Variants in MYO3B observed in about 807,000 individuals in gnomAD.
MYO3B encodes the protein myosin-IIIb.
In MYO3B, 156 loss-of-function variants were observed where a neutral mutation model predicts 174.6. That is an observed-to-expected ratio of 0.89 (90% CI 0.78 to 1.02). The LOEUF (loss-of-function observed/expected upper bound fraction) is 1.02, where lower values mean the gene tolerates loss of function less well. MYO3B is among the 50% of genes least tolerant of loss of function. The probability of loss-of-function intolerance (pLI) is 0.00; values close to 1 mark genes in which losing one functional copy is unlikely to be tolerated. For synonymous variants in MYO3B, 563 were observed against 569.1 expected, an observed-to-expected ratio of 0.99 and a Z score of 0.15; for missense variants, 1,632 against 1,639.4, an observed-to-expected ratio of 1.00 and a Z score of 0.08.
chr2:170,400,152 A>G, intron 16 of MYO3B, 36 bp from the exon 17 acceptor site: 1 of 1,613,672 alleles, frequency 6.2e-7, no homozygotes, highest in Non-Finnish European at 8.5e-7. Flanking sequence ...TTGACTGGCA[A>G]TGACCTTCAT....
chr2:170,478,607 C>T (rs1232818966), intron 25 of MYO3B, among the ~76,000 whole-genome samples: 1 of 136,566 alleles, frequency 7.3e-6, no homozygotes, highest in Non-Finnish European at 1.5e-5. Flanking sequence ...CTCACTCTGT[C>T]ACCCAGGCTG....
At chr2:170,248,941 C>T (rs897366687) in intron 7 of MYO3B, among the ~76,000 whole-genome samples, 3 of 152,228 alleles carry the variant, frequency 2.0e-5, no homozygotes, top group African/African-American at 4.8e-5. Context: ...CCTTCAAGAG[C>T]GTGCTCCTTA....
intron 22 of MYO3B, among the ~76,000 whole-genome samples, chr2:170,413,695 G>C (rs2094560061): frequency 6.6e-6 from 1 of 151,288 alleles, no homozygotes; most frequent in African/African-American, 2.4e-5. Flanking sequence ...AAGATGTTTT[G>C]GTTTTTTTCT....
chr2:170,272,297 C>G (rs542058754), intron 7 of MYO3B, among the ~76,000 whole-genome samples: 1 of 152,198 alleles, frequency 6.6e-6, no homozygotes, highest in East Asian at 1.9e-4. Context: ...CTCACTCAAA[C>G]TTGAGAATCC....
At chr2:170,192,016 T>C (rs2092546224) in intron 1 of MYO3B, among the ~76,000 whole-genome samples, 1 of 152,188 alleles carries the variant, frequency 6.6e-6, no homozygotes, top group African/African-American at 2.4e-5. Context: ...CTGTGCTACT[T>C]TTATCATGTT....
At chr2:170,575,337 G>C (rs1360113816) in intron 32 of MYO3B, among the ~76,000 whole-genome samples, 1 of 151,762 alleles carries the variant, frequency 6.6e-6, no homozygotes, top group African/African-American at 2.4e-5. Flanking sequence ...CTCTATCAGG[G>C]GTCAGCAAAT....
intron 30 of MYO3B, among the ~76,000 whole-genome samples, chr2:170,529,184 A>G (rs1689184898): frequency 6.6e-6 from 1 of 152,124 alleles, no homozygotes; most frequent in Non-Finnish European, 1.5e-5. Flanking sequence ...GGAGAACAAC[A>G]GACACTGGAA....
intron 32 of MYO3B, among the ~76,000 whole-genome samples, chr2:170,625,233 T>G (rs1041266130): frequency 6.6e-6 from 1 of 152,244 alleles, no homozygotes; most frequent in African/African-American, 2.4e-5. Context: ...AATTATTGCC[T>G]CAATTTCAGA....
chr2:170,434,428 T>C lies in MYO3B; in HGVS notation c.2651-9539T>C, dbSNP rs140337436. 1.6e-3 allele frequency among the ~76,000 whole-genome samples: 248 copies of C among 152,270 alleles called. 1 individual carries two copies. Among genetic ancestry groups the C allele is most frequent in the Middle Eastern group, 6.8e-3 (2 of 294 alleles). On this transcript the variant is annotated intron_variant, in intron 22 of 34. Transcript: ENST00000408978. ...AGATGGAACAATGGTGAGCGCACAC[T>C]TGGACAAGGGAGGGGAAGGGGTTCT...
At position 170,405,647 on chromosome 2, in the gene MYO3B, G is replaced by A. The variant is rs780270717; in HGVS notation, c.2520+14G>A. On this transcript the variant is annotated intron_variant, in intron 21 of 34. Transcript: ENST00000408978. ...TATGCTGGAAAGGTGAGGCCAGTGTGACAGTTATTAGACCTGAATTTGGCA... is the reference window on the plus strand; with the variant it reads ...TATGCTGGAAAGGTGAGGCCAGTGTAACAGTTATTAGACCTGAATTTGGCA... 6.2e-7 allele frequency: 1 copy of A among 1,611,378 alleles called. No individual in the cohort carries two copies. The highest frequency in any genetic ancestry group is 1.7e-4 in the Middle Eastern group (1 of 6,054).
chr2:170,362,267 T>C (rs2094167089), intron 8 of MYO3B, among the ~76,000 whole-genome samples: 1 of 152,182 alleles, frequency 6.6e-6, no homozygotes, highest in African/African-American at 2.4e-5. Context: ...AAGTAGATGT[T>C]CTTTATCCCC....
chr2:170,194,954 G>A (rs889315985), intron 1 of MYO3B, among the ~76,000 whole-genome samples: 8 of 152,118 alleles, frequency 5.3e-5, no homozygotes, highest in African/African-American at 1.9e-4. Context: ...CAGCACAACA[G>A]AAAGATGAAG....
chr2:170,529,788 TTTATA>T (rs1267280142), intron 30 of MYO3B, among the ~76,000 whole-genome samples: 1 of 152,194 alleles, frequency 6.6e-6, no homozygotes, highest in Non-Finnish European at 1.5e-5. Flanking sequence ...AAAAATGAAC[TTTATA>T]TAAGAGTGCT....
chr2:170,284,085 A>G (rs1208278715), intron 7 of MYO3B, among the ~76,000 whole-genome samples: 1 of 152,174 alleles, frequency 6.6e-6, no homozygotes, highest in Non-Finnish European at 1.5e-5. Flanking sequence ...ACTACTCTAC[A>G]GTTCCTTTCT....
intron 32 of MYO3B, among the ~76,000 whole-genome samples, chr2:170,620,238 A>G (rs565347269): frequency 6.6e-6 from 1 of 152,284 alleles, no homozygotes; most frequent in South Asian, 2.1e-4. Flanking sequence ...CAAATACCTC[A>G]GTCTAACATT....
chr2:170,301,874 C>CTT lies in MYO3B; in HGVS notation c.750-33487_750-33486dup, dbSNP rs10538086. ...AGCGGCCACATAGGCAAAGTGGAGGCTTTTTTTTTTTTTTTTTTTTTTTTT... is the reference window on the plus strand; with the variant it reads ...AGCGGCCACATAGGCAAAGTGGAGGCTTTTTTTTTTTTTTTTTTTTTTTTTTT... On this transcript the variant is annotated intron_variant, in intron 7 of 34. Transcript: ENST00000408978. 1.9e-3 allele frequency among the ~76,000 whole-genome samples: 141 copies of CTT among 74,746 alleles called. 4 individuals carry two copies. The highest frequency in any genetic ancestry group is 7.2e-3 in the African/African-American group (128 of 17,798). 49.0% of individuals were successfully genotyped at this position (74,746 alleles called of 152,430 possible).
chr2:170,464,953 G>A (rs1210899404), intron 24 of MYO3B, among the ~76,000 whole-genome samples: 1 of 151,682 alleles, frequency 6.6e-6, no homozygotes, highest in African/African-American at 2.4e-5. Context: ...TGCAACCTCC[G>A]CCTCCTGGGT....
At chr2:170,248,055 A>G (rs968143468) in intron 7 of MYO3B, among the ~76,000 whole-genome samples, 1 of 151,890 alleles carries the variant, frequency 6.6e-6, no homozygotes, top group Non-Finnish European at 1.5e-5. Flanking sequence ...CATGGTTCCC[A>G]GCTCCCCCTC....
At chr2:170,471,824 T>C (rs963695310) in intron 25 of MYO3B, among the ~76,000 whole-genome samples, 1 of 151,994 alleles carries the variant, frequency 6.6e-6, no homozygotes, top group African/African-American at 2.4e-5. Flanking sequence ...AAACCCCGTC[T>C]CTACTAAAAA....
Sources: gnomAD v4.1 joint callset for allele counts (sites outside exome capture counted in the v4.1 genomes callset) on GRCh38, gnomAD v4.1.1 for gene constraint, MANE v1.5 for transcripts, NCBI Gene and HGNC (gene_info 2026-07-23, HGNC 2026-07-21) for gene names.